EVC2: variants seen among roughly 807,000 people sequenced by gnomAD.
EVC2 encodes the protein limbin.
A neutral mutation model predicts 149.3 loss-of-function variants in EVC2; 148 were observed. The observed-to-expected ratio is 0.99, with a 90% CI of 0.87 to 1.14. The LOEUF (loss-of-function observed/expected upper bound fraction) is 1.14, where lower values mean the gene tolerates loss of function less well. Among genes scored for constraint, EVC2 ranks in the 50% most tolerant of loss-of-function variants. The probability of loss-of-function intolerance (pLI) is 0.00; values close to 1 mark genes in which losing one functional copy is unlikely to be tolerated. For missense variants in EVC2, 1,854 were observed against 1,627.3 expected (o/e 1.14, Z -2.40); for synonymous variants, 776 against 649.9 (o/e 1.19, Z -2.95).
chr4:5,616,971 C>T (rs966836282), intron 15 of EVC2, among the ~76,000 whole-genome samples: 3 of 152,040 alleles, frequency 2.0e-5, no homozygotes, highest in Non-Finnish European at 4.4e-5. Flanking sequence ...CCCCTCGCTT[C>T]GGTGAAGTGA....
intron 7 of EVC2, among the ~76,000 whole-genome samples, chr4:5,675,346 G>A (rs1250480875): frequency 6.6e-6 from 1 of 151,986 alleles, no homozygotes. Flanking sequence ...ATTCATCTTT[G>A]TCTTTATTTC....
At position 5,653,465 on chromosome 4, in the gene EVC2, G is replaced by C. The variant is rs371941729; in HGVS notation, c.1145+9642C>G. On this transcript the variant is annotated intron_variant, in intron 9 of 21. Coordinates refer to ENST00000344408, the MANE Select transcript of EVC2 (RefSeq NM_147127.5). ...TGCAGTATCCAGATTCTAAGATTCT[G>C]TTTTCCTGGGAAGGTGTAAACTGCT... Among the ~76,000 whole-genome samples the C allele has an allele frequency of 1.2e-4, 19 of 152,304 alleles. 1 individual carries two copies. Among genetic ancestry groups the C allele is most frequent in the African/African-American group, 4.6e-4 (19 of 41,564 alleles).
intron 1 of EVC2, among the ~76,000 whole-genome samples, chr4:5,706,321 C>CATAGATAGATACATAG (rs1722133560): frequency 3.8e-5 from 1 of 26,508 alleles, no homozygotes. Context: ...TAGATAGATA[C>CATAGATAGATACATAG]ATAGATAGAT....
intron 13 of EVC2, 57 bp from the exon 14 acceptor site, chr4:5,623,048 T>C: frequency 1.3e-6 from 2 of 1,517,786 alleles, no homozygotes; most frequent in South Asian, 1.1e-5. Context: ...TACAGTCCTT[T>C]GGCTGAAACA....
At chr4:5,535,961 CAGTA>C in the EVC2 span, among the ~76,000 whole-genome samples, 1 of 152,086 alleles carries the variant, frequency 6.6e-6, no homozygotes, top group Non-Finnish European at 1.5e-5. This position sits in a 1 kb window ranked among gnomAD's most constrained non-coding sequence, Gnocchi z 4.7. Context: ...AGCAGGTGCT[CAGTA>C]AGTGACAGCG....
At chr4:5,681,774 AT>A (rs769960023) in intron 6 of EVC2, among the ~76,000 whole-genome samples, 1 of 152,182 alleles carries the variant, frequency 6.6e-6, no homozygotes, top group Non-Finnish European at 1.5e-5. Flanking sequence ...GCTCTCTAAT[AT>A]TCCTCTGCTG....
intron 9 of EVC2, among the ~76,000 whole-genome samples, chr4:5,645,249 C>CTT (rs11351682): frequency 1.4e-5 from 2 of 141,012 alleles, no homozygotes; most frequent in African/African-American, 5.2e-5. Context: ...ACATCCACCT[C>CTT]TTTTTTTTTT....
intron 21 of EVC2, among the ~76,000 whole-genome samples, chr4:5,549,549 AT>A (rs1721694195): frequency 6.6e-6 from 1 of 152,172 alleles, no homozygotes; most frequent in East Asian, 1.9e-4. Context: ...AGTCTTTCTG[AT>A]CTTCACGATC....
rs541947985 is a variant in EVC2 at position 5,596,990 on chromosome 4, A to T, written c.2830-12140T>A. Among the ~76,000 whole-genome samples, 196 of 152,336 alleles carry T rather than the reference A, an allele frequency of 1.3e-3. 1 individual carries two copies. Among genetic ancestry groups the T allele is most frequent in the African/African-American group, 4.2e-3 (175 of 41,560 alleles). On this transcript the variant is annotated intron_variant, in intron 16 of 21. Transcript: ENST00000344408. ...AAGAAATGGATAAATTCCTCAACAC[A>T]TTCACCCTCCCAAGACTAAACCAGG...
At chr4:5,695,029 C>A (rs1721379892) in intron 2 of EVC2, among the ~76,000 whole-genome samples, 1 of 151,534 alleles carries the variant, frequency 6.6e-6, no homozygotes, top group Non-Finnish European at 1.5e-5. Flanking sequence ...CGGCCAGACA[C>A]AAACGCCTGC....
At chr4:5,665,021 G>A (rs1325336937) in intron 8 of EVC2, among the ~76,000 whole-genome samples, 1 of 151,662 alleles carries the variant, frequency 6.6e-6, no homozygotes, top group Non-Finnish European at 1.5e-5. Flanking sequence ...TGGGTGACGG[G>A]ATGCGTGTGG....
chr4:5,529,536 C>G, the EVC2 span, among the ~76,000 whole-genome samples: 3 of 152,152 alleles, frequency 2.0e-5, no homozygotes, highest in African/African-American at 7.2e-5. The surrounding 1 kb of genome is among the most constrained non-coding windows in gnomAD (Gnocchi z 4.5). Flanking sequence ...ATATGTGAAC[C>G]TGGCTAGACT....
At chr4:5,571,942 C>T (rs62297460) in intron 19 of EVC2, among the ~76,000 whole-genome samples, 3,003 of 152,326 alleles carry the variant, frequency 0.02, 43 homozygotes, top group Non-Finnish European at 0.03. Flanking sequence ...ATCCTTTCAG[C>T]AGATGGCCTT....
chr4:5,595,095 G>C (rs1713254662), intron 16 of EVC2, among the ~76,000 whole-genome samples: 1 of 152,196 alleles, frequency 6.6e-6, no homozygotes, highest in Admixed American at 6.5e-5. Context: ...CGTCTGATTG[G>C]TGTACGTGAA....
intron 1 of EVC2, among the ~76,000 whole-genome samples, chr4:5,698,328 AG>A (rs1721616136): frequency 1.3e-5 from 2 of 152,200 alleles, no homozygotes; most frequent in African/African-American, 4.8e-5. Context: ...GCAAGTTTCC[AG>A]GGTGGTAGAT....
chr4:5,546,244 G>A (rs1378058711), intron 21 of EVC2, among the ~76,000 whole-genome samples: 1 of 152,106 alleles, frequency 6.6e-6, no homozygotes, highest in East Asian at 1.9e-4. Flanking sequence ...AAATCATGCT[G>A]CTATAAAGGC....
At position 5,640,363 on chromosome 4, in the gene EVC2, T is replaced by C; in HGVS notation, c.1470+151A>G. On this transcript the variant is annotated intron_variant, in intron 10 of 21. Coordinates refer to ENST00000344408, the MANE Select transcript of EVC2 (RefSeq NM_147127.5). This position sits in a 1 kb window ranked among gnomAD's most constrained non-coding sequence, Gnocchi z 4.6. ...CGGTGGGAATGGTTGGATGAATGAA[T>C]GGAAGGATGAATAGATGAATGAGTG... 1.1e-6 allele frequency: 1 copy of C among 937,186 alleles called. No individual in the cohort carries two copies. The highest frequency in any genetic ancestry group is 1.7e-6 in the Non-Finnish European group (1 of 576,540). The allele number at this position is 937,186 out of a possible 1,614,324, so 58.1% of individuals were successfully genotyped here. A position where few individuals can be genotyped will look rare whatever the true frequency, so the allele number is the denominator to read the frequency against.
At chr4:5,541,905 G>A (rs1721521329), downstream of EVC2, among the ~76,000 whole-genome samples, 1 of 152,134 alleles carries the variant, frequency 6.6e-6, no homozygotes, top group Non-Finnish European at 1.5e-5. Flanking sequence ...TGGACTGAAT[G>A]TGTGTGCCCC....
chr4:5,609,629 C>G (rs993916608), intron 16 of EVC2, among the ~76,000 whole-genome samples: 6 of 152,204 alleles, frequency 3.9e-5, no homozygotes, highest in Admixed American at 6.5e-5. Flanking sequence ...AAAGGCACCT[C>G]ACAAAAGCCC....
Sources: gnomAD v4.1 joint callset for allele counts (sites outside exome capture counted in the v4.1 genomes callset) on GRCh38, gnomAD v4.1.1 for gene constraint, Gnocchi (gnomAD v3.1) non-coding constraint, MANE v1.5 for transcripts, NCBI Gene and HGNC (gene_info 2026-07-23, HGNC 2026-07-21) for gene names.